TUT7: variants seen among roughly 807,000 people sequenced by gnomAD.
TUT7 encodes the protein terminal uridylyl transferase 7.
In TUT7, 33 loss-of-function variants were observed where a neutral mutation model predicts 165.9. The observed-to-expected ratio is 0.20, with a 90% CI of 0.15 to 0.27. The LOEUF is 0.27. Among genes scored for constraint, TUT7 ranks in the 10% least tolerant of loss-of-function variants. The pLI, the probability that TUT7 is intolerant of heterozygous loss-of-function variation, is 1.00. For missense variants in TUT7, 1,338 were observed against 1,762.3 expected (o/e 0.76, Z 4.31); for synonymous variants, 552 against 608.1 (o/e 0.91, Z 1.36).
At chr9:86,337,960 G>A (rs1830971936) in intron 9 of TUT7, among the ~76,000 whole-genome samples, 1 of 152,140 alleles carries the variant, frequency 6.6e-6, no homozygotes, top group African/African-American at 2.4e-5. Context: ...CACAAAGATT[G>A]GCGTGGGGAG....
intron 18 of TUT7, 73 bp from the exon 19 acceptor site, chr9:86,310,090 GT>G: frequency 7.8e-7 from 1 of 1,285,314 alleles, no homozygotes; most frequent in Non-Finnish European, 1.1e-6. Context: ...TTTGGTTGTT[GT>G]TTTAAATAAT....
intron 24 of TUT7, among the ~76,000 whole-genome samples, chr9:86,304,024 TAGAC>T (rs149680290): frequency 0.037 from 5,607 of 152,262 alleles, 343 homozygotes; most frequent in African/African-American, 0.13. Flanking sequence ...AAGTTTCAGA[TAGAC>T]AGGAGGAATA....
intron 10 of TUT7, among the ~76,000 whole-genome samples, chr9:86,329,450 G>A (rs966852328): frequency 2.0e-5 from 3 of 151,790 alleles, no homozygotes; most frequent in African/African-American, 4.8e-5. Flanking sequence ...TTGACCCTGG[G>A]AGGCAGAGGT....
At chr9:86,310,629 T>G in intron 18 of TUT7, 77 bp downstream of exon 18, 1 of 760,588 alleles carries the variant, frequency 1.3e-6, no homozygotes, top group Non-Finnish European at 2.3e-6. Context: ...ATGTGACTTC[T>G]TTAACTTGAG....
intron 8 of TUT7, 111 bp from the exon 9 acceptor site, chr9:86,339,060 C>CA: frequency 9.9e-7 from 1 of 1,007,740 alleles, no homozygotes; most frequent in Non-Finnish European, 1.3e-6. Context: ...ATAAATACTT[C>CA]AAAAATAAAA....
intron 11 of TUT7, among the ~76,000 whole-genome samples, chr9:86,325,954 C>T (rs1829751128): frequency 2.0e-5 from 3 of 152,216 alleles, no homozygotes; most frequent in African/African-American, 7.2e-5. Context: ...ACTCCTCTCA[C>T]TGCCCTGAGA....
In TUT7 at chr9:86,301,332, A is replaced by G. The variant is rs1379202532; in HGVS notation, c.4364T>C (p.Ile1455Thr). 6.2e-7 allele frequency: 1 copy of G among 1,614,148 alleles called. No individual in the cohort carries two copies. Among genetic ancestry groups the G allele is most frequent in the East Asian group, 2.2e-5 (1 of 44,880 alleles). ...DKDLREKRCFICGREGHIKKE... is the reference protein window; with the variant it reads ...DKDLREKRCFTCGREGHIKKE... The stretch of plus-strand genomic sequence containing the variant: ...TTTAATGTGCCCTTCTCTTCCACAA[A>G]TAAAACAACGTTTTTCTCTTAAGTC... The change falls in exon 26 of 27, where the codon ATT becomes ACT. Residue 1455 changes from isoleucine (I) to threonine (T), a missense_variant. By Grantham distance (89) the Ile-to-Thr change is moderately conservative. This residue lies in a region of TUT7 where 167 missense variants were observed against 204.9 expected (regional missense o/e 0.82). Transcript: ENST00000375963.
At chr9:86,329,607 C>T (rs970385817) in intron 10 of TUT7, among the ~76,000 whole-genome samples, 1 of 151,990 alleles carries the variant, frequency 6.6e-6, no homozygotes, top group Admixed American at 6.5e-5. Context: ...TGTGACATCA[C>T]ATTTCCCAAA....
At chr9:86,320,649 G>A (rs1449398735) in intron 14 of TUT7, among the ~76,000 whole-genome samples, 1 of 152,074 alleles carries the variant, frequency 6.6e-6, no homozygotes, top group African/African-American at 2.4e-5. Context: ...CTGCCATCTA[G>A]AAAAACATTT....
chr9:86,308,131 ACCC>A (rs1237451570), intron 22 of TUT7, among the ~76,000 whole-genome samples: 1 of 151,980 alleles, frequency 6.6e-6, no homozygotes, highest in African/African-American at 2.4e-5. Flanking sequence ...CACTCTTCAA[ACCC>A]CCCAACAGGA....
chr9:86,315,295 G>A (rs1828597328), intron 17 of TUT7, among the ~76,000 whole-genome samples: 1 of 152,124 alleles, frequency 6.6e-6, no homozygotes, highest in Non-Finnish European at 1.5e-5. Flanking sequence ...AATCATCTGT[G>A]TGCCTAAGTC....
intron 10 of TUT7, among the ~76,000 whole-genome samples, chr9:86,334,201 T>C (rs1009194310): frequency 2.6e-5 from 4 of 152,094 alleles, no homozygotes; most frequent in Non-Finnish European, 5.9e-5. Flanking sequence ...TCAGTAAGAG[T>C]ACCTCCGAAG....
chr9:86,345,023 C>T lies in TUT7; in HGVS notation c.951G>A (p.Leu317=), dbSNP rs791323. The T allele has an allele frequency of 0.57, 920,724 of 1,612,086 alleles. 266,567 individuals carry two copies. Among genetic ancestry groups the T allele is most frequent in the African/African-American group, 0.8 (59,717 of 74,886 alleles). ...CATTTTCCATGATACGTTTAATTTC[C>T]AGCCTCTGTTCCAAGTTCTCATTGT... The part of the protein sequence containing the change: ...GLHNENLEQR[L]EIKRIMENVF... The change falls in exon 5 of 27, where the codon CTG becomes CTA. Residue 317 remains leucine (L), a synonymous_variant. Transcript: ENST00000375963.
chr9:86,343,018 T>C, intron 6 of TUT7, 57 bp downstream of exon 6: 1 of 1,138,022 alleles, frequency 8.8e-7, no homozygotes, highest in Non-Finnish European at 1.3e-6. Context: ...AGTTTACATT[T>C]GTAAGAAAGA....
chr9:86,337,628 G>A (rs1233106010), intron 9 of TUT7, 90 bp from the exon 10 acceptor site: 17 of 1,397,496 alleles, frequency 1.2e-5, no homozygotes, highest in Admixed American at 9.7e-5. Context: ...CCTCATTCTT[G>A]TTTACTACAT....
Position 86,340,085 on chromosome 9 carries a change from C to T in TUT7, c.1159G>A (p.Ala387Thr). 2.5e-6 allele frequency: 4 copies of T among 1,613,752 alleles called. No homozygotes were observed. The highest frequency in any genetic ancestry group is 3.4e-6 in the Non-Finnish European group (4 of 1,179,768). Reference sequence around the variant, plus strand: ...ACTGGCACCCTAGCATGGAAGTCTGCATCAACATCAATAAAGGAGTCTGAG... The same window carrying T: ...ACTGGCACCCTAGCATGGAAGTCTGTATCAACATCAATAAAGGAGTCTGAG... ...KNSDSFIDVD[A>T]DFHARVPVVV... Residue 387 changes from alanine to threonine, a missense_variant, in exon 8 of 27, where the codon GCA becomes ACA. Transcript: ENST00000375963.
intron 23 of TUT7, 48 bp from the exon 24 acceptor site, chr9:86,304,995 G>T: frequency 7.1e-7 from 1 of 1,400,886 alleles, no homozygotes; most frequent in Non-Finnish European, 1.0e-6. Context: ...AAGGAAAAGA[G>T]ATTGTATTAC....
Position 86,294,780 on chromosome 9 carries a change from G to A in TUT7, c.4421-6036C>T, listed in dbSNP as rs578028901. ...TTATATTTTAAGTTTTAGGGTACAT[G>A]TGCACAACATGCAGGTTTGTTACAT... On this transcript the variant is annotated intron_variant, in intron 26 of 26. Coordinates refer to ENST00000375963, the MANE Select transcript of TUT7 (RefSeq NM_024617.4). Among the ~76,000 whole-genome samples, 3 of 150,796 alleles carry A rather than the reference G, an allele frequency of 2.0e-5. No homozygotes were observed. The South Asian group carries it at 6.3e-4, about 31-fold the overall frequency.
intron 11 of TUT7, 122 bp downstream of exon 11, chr9:86,328,218 G>T: frequency 2.1e-6 from 2 of 971,716 alleles, no homozygotes; most frequent in South Asian, 3.2e-5. Context: ...GTACTAAACA[G>T]ACTGGCAAAT....
Sources: gnomAD v4.1 joint callset for allele counts (sites outside exome capture counted in the v4.1 genomes callset) on GRCh38, gnomAD v4.1.1 for gene constraint, gnomAD v4.1.1 regional missense constraint, MANE v1.5 for transcripts, NCBI Gene and HGNC (gene_info 2026-07-23, HGNC 2026-07-21) for gene names.